EPB41L4A: variants seen among roughly 807,000 people sequenced by gnomAD.
The protein encoded by EPB41L4A is erythrocyte membrane protein band 4.1 like 4A, also known as band 4.1-like protein 4A.
A neutral mutation model predicts 108.6 loss-of-function variants in EPB41L4A; 100 were observed. That is an observed-to-expected ratio of 0.92 (90% CI 0.78 to 1.09). EPB41L4A has a LOEUF of 1.09. Among genes scored for constraint, EPB41L4A ranks in the 50% least tolerant of loss-of-function variants. The probability of loss-of-function intolerance (pLI) is 0.00; values close to 1 mark genes in which losing one functional copy is unlikely to be tolerated. For missense variants in EPB41L4A, 1,030 were observed against 842.7 expected, an observed-to-expected ratio of 1.22 and a Z score of -2.75; for synonymous variants, 319 against 289.0, an observed-to-expected ratio of 1.10 and a Z score of -1.05.
At chr5:112,357,972 G>A (rs560880378) in intron 1 of EPB41L4A, among the ~76,000 whole-genome samples, 57 of 152,314 alleles carry the variant, frequency 3.7e-4, no homozygotes, top group African/African-American at 1.2e-3. Flanking sequence ...CAGTCACACC[G>A]GTCTTCCTCA....
intron 12 of EPB41L4A, among the ~76,000 whole-genome samples, chr5:112,157,258 C>G (rs1277645354): frequency 6.6e-6 from 1 of 151,980 alleles, no homozygotes; most frequent in Non-Finnish European, 1.5e-5. Flanking sequence ...CTAGAACTCA[C>G]TATAAGCAAA....
At chr5:112,185,086 T>G in intron 17 of EPB41L4A, among the ~76,000 whole-genome samples, 1 of 108,186 alleles carries the variant, frequency 9.2e-6, no homozygotes. Context: ...AATGATGCTG[T>G]GAAGCCTTTT....
At chr5:112,154,431 T>C (rs997964448) in intron 12 of EPB41L4A, among the ~76,000 whole-genome samples, 1 of 152,250 alleles carries the variant, frequency 6.6e-6, no homozygotes, top group Non-Finnish European at 1.5e-5. Context: ...AGCATTTTGA[T>C]ATTTAACATT....
At chr5:112,316,017 A>T (rs762971699) in intron 1 of EPB41L4A, among the ~76,000 whole-genome samples, 11 of 152,222 alleles carry the variant, frequency 7.2e-5, no homozygotes, top group Non-Finnish European at 1.5e-4. Context: ...AATGAGATAG[A>T]TTACTTTCAT....
intron 2 of EPB41L4A, among the ~76,000 whole-genome samples, chr5:112,288,329 A>C (rs1366953411): frequency 6.6e-6 from 1 of 152,234 alleles, no homozygotes; most frequent in Non-Finnish European, 1.5e-5. Flanking sequence ...AAACTTTTAG[A>C]AGAATTATAC....
At chr5:112,169,164 G>A (rs1232571664) in intron 20 of EPB41L4A, 59 bp from the exon 21 acceptor site, 3 of 1,240,700 alleles carry the variant, frequency 2.4e-6, no homozygotes, top group East Asian at 2.3e-5. Flanking sequence ...AGGAAAAGTA[G>A]GAGTTCTTAA....
chr5:112,397,096 CCT>C (rs1761406971), intron 1 of EPB41L4A, among the ~76,000 whole-genome samples: 1 of 152,112 alleles, frequency 6.6e-6, no homozygotes, highest in Admixed American at 6.6e-5. Context: ...TCTACGCTTC[CCT>C]CTTTTGGAGT....
At chr5:112,168,686 T>C (rs1760392917) in intron 22 of EPB41L4A, 53 bp downstream of exon 22, 34 of 1,440,788 alleles carry the variant, frequency 2.4e-5, no homozygotes, top group Non-Finnish European at 3.3e-5. Context: ...CACAAAATGC[T>C]TCTCAAAATT....
intron 18 of EPB41L4A, among the ~76,000 whole-genome samples, chr5:112,174,106 T>C (rs1288116867): frequency 6.6e-6 from 1 of 152,194 alleles, no homozygotes; most frequent in Non-Finnish European, 1.5e-5. Context: ...TTTCAAACAG[T>C]TTTAAGGCGA....
chr5:112,171,173 T>C (rs1760561005), intron 18 of EPB41L4A, among the ~76,000 whole-genome samples, 181 bp from the exon 19 acceptor site: 1 of 152,172 alleles, frequency 6.6e-6, no homozygotes, highest in East Asian at 1.9e-4. Flanking sequence ...GCTAAATTGC[T>C]GCTACTGCCG....
intron 1 of EPB41L4A, among the ~76,000 whole-genome samples, chr5:112,368,331 T>C (rs6878117): frequency 0.2 from 30,146 of 151,970 alleles, 3,928 homozygotes; most frequent in African/African-American, 0.36. Context: ...CCACCGTATG[T>C]GTGACGCCAC....
chr5:112,331,431 T>C (rs1756560251), intron 1 of EPB41L4A, among the ~76,000 whole-genome samples: 1 of 152,226 alleles, frequency 6.6e-6, no homozygotes, highest in African/African-American at 2.4e-5. Context: ...TTTCCTTGTT[T>C]ATAACACACA....
At chr5:112,349,912 G>T (rs1561595624) in intron 1 of EPB41L4A, among the ~76,000 whole-genome samples, 1 of 152,318 alleles carries the variant, frequency 6.6e-6, no homozygotes, top group South Asian at 2.1e-4. Flanking sequence ...CCCAAAGTTA[G>T]GCCATGTGAA....
chr5:112,259,911 C>CT lies in EPB41L4A; in HGVS notation c.710dup (p.Gln238AlafsTer21). 1 of 1,613,918 alleles carries CT rather than the reference C, an allele frequency of 6.2e-7. No homozygotes were observed. The highest frequency in any genetic ancestry group is 8.5e-7 in the Non-Finnish European group (1 of 1,179,814). On this transcript the variant is annotated frameshift_variant, in exon 8 of 23. Coordinates refer to ENST00000261486, the MANE Select transcript of EPB41L4A (RefSeq NM_022140.5). LOFTEE classifies it high-confidence loss of function. ...CCTACCAGAAATACTTCCCCACTTG[C>CT]TTTTTATTCTTGTACACAACAACAC...
intron 12 of EPB41L4A, among the ~76,000 whole-genome samples, chr5:112,146,781 T>A (rs1365979061): frequency 1.3e-5 from 2 of 152,170 alleles, no homozygotes; most frequent in East Asian, 3.8e-4. Context: ...ACCAGCTTTA[T>A]CCTCCTGGTT....
chr5:112,410,981 C>A (rs1204856023), intron 1 of EPB41L4A, among the ~76,000 whole-genome samples: 3 of 152,164 alleles, frequency 2.0e-5, no homozygotes, highest in African/African-American at 7.2e-5. Flanking sequence ...CACTGACCCG[C>A]CCTGAACCTC....
chr5:112,349,538 G>C (rs959397550), intron 1 of EPB41L4A, among the ~76,000 whole-genome samples: 1 of 152,196 alleles, frequency 6.6e-6, no homozygotes, highest in African/African-American at 2.4e-5. Context: ...CTAAGAATGA[G>C]TGAGAGTACT....
intron 9 of EPB41L4A, among the ~76,000 whole-genome samples, chr5:112,248,756 G>C (rs1342884125): frequency 6.6e-6 from 1 of 152,132 alleles, no homozygotes; most frequent in Non-Finnish European, 1.5e-5. Context: ...CTTCTTCTAA[G>C]GGTACTGGGA....
intron 1 of EPB41L4A, among the ~76,000 whole-genome samples, chr5:112,414,387 A>G (rs1042854104): frequency 6.6e-6 from 1 of 152,242 alleles, no homozygotes; most frequent in African/African-American, 2.4e-5. Context: ...GTGGTTCTCA[A>G]CGGAGGGTGA....
Sources: allele counts gnomAD v4.1 joint callset (sites outside exome capture counted in the v4.1 genomes callset), GRCh38; gene constraint gnomAD v4.1.1; transcripts MANE v1.5; gene names NCBI Gene and HGNC (gene_info 2026-07-23, HGNC 2026-07-21).